INVS: variants seen among roughly 807,000 people sequenced by gnomAD.
INVS encodes inversion of embryo turning homolog.
INVS carries 86 observed loss-of-function variants against 108.8 expected under a neutral mutation model. That is an observed-to-expected ratio of 0.79 (90% CI 0.66 to 0.95). The LOEUF is 0.95. Among genes scored for constraint, INVS ranks in the 40% least tolerant of loss-of-function variants. The pLI, the probability that INVS is intolerant of heterozygous loss-of-function variation, is 0.00. For missense variants in INVS, 1,169 were observed against 1,297.4 expected, an observed-to-expected ratio of 0.90 and a Z score of 1.52; for synonymous variants, 455 against 473.5, an observed-to-expected ratio of 0.96 and a Z score of 0.51.
chr9:100,143,853 C>A (rs117484894), intron 3 of INVS, among the ~76,000 whole-genome samples: 1 of 151,818 alleles, frequency 6.6e-6, no homozygotes, highest in Non-Finnish European at 1.5e-5. Context: ...GCTTCCATAT[C>A]GATTAAGAAG....
intron 3 of INVS, among the ~76,000 whole-genome samples, chr9:100,191,937 G>C (rs1305423652): frequency 6.6e-6 from 1 of 152,032 alleles, no homozygotes; most frequent in Non-Finnish European, 1.5e-5. Context: ...ATGATTTCCG[G>C]TGTGAAGACT....
At chr9:100,238,546 C>T (rs1231485000) in intron 5 of INVS, among the ~76,000 whole-genome samples, 1 of 152,170 alleles carries the variant, frequency 6.6e-6, no homozygotes, top group Non-Finnish European at 1.5e-5. Context: ...ATTCCCTTTA[C>T]TCTTGCCTTT....
chr9:100,282,074 TATC>T (rs2118714330), intron 12 of INVS, among the ~76,000 whole-genome samples: 1 of 152,170 alleles, frequency 6.6e-6, no homozygotes, highest in South Asian at 2.1e-4. Flanking sequence ...AAAGAGCCAA[TATC>T]ATTCTCTTAA....
At chr9:100,242,053 T>C (rs894129339) in intron 6 of INVS, among the ~76,000 whole-genome samples, 5 of 152,138 alleles carry the variant, frequency 3.3e-5, no homozygotes, top group Non-Finnish European at 5.9e-5. Flanking sequence ...TGTTATAAAA[T>C]ATAAATATAA....
At chr9:100,293,869 T>A (rs777770111) in intron 14 of INVS, among the ~76,000 whole-genome samples, 1 of 152,070 alleles carries the variant, frequency 6.6e-6, no homozygotes, top group Non-Finnish European at 1.5e-5. Flanking sequence ...CCATCACCAA[T>A]AGGTGGGAGT....
At chr9:100,136,148 C>G (rs1034694078) in intron 3 of INVS, among the ~76,000 whole-genome samples, 1 of 152,050 alleles carries the variant, frequency 6.6e-6, no homozygotes, top group African/African-American at 2.4e-5. Context: ...TTAGCAAGAG[C>G]AATGGTATTT....
chr9:100,183,302 A>G (rs1034300212), intron 3 of INVS, among the ~76,000 whole-genome samples: 11 of 152,224 alleles, frequency 7.2e-5, no homozygotes. Context: ...GATCCAATAT[A>G]GTAAAGCATG....
In INVS at chr9:100,226,097, C is replaced by G; in HGVS notation, c.309C>G (p.Arg103=). Residue 103 remains arginine, a synonymous_variant, in exon 4 of 17, where the codon CGC becomes CGG. Coordinates refer to ENST00000262457, the MANE Select transcript of INVS (RefSeq NM_014425.5). The stretch of plus-strand genomic sequence containing the variant: ...GTTTCATGAAACTCTTACTTACACG[C>G]AGAGCAAACTGGATGCAAAAGGATC... ...NYRFMKLLLT[R]RANWMQKDLE... is the part of the protein sequence containing the mutation. 1 of 1,613,630 alleles carries G rather than the reference C, an allele frequency of 6.2e-7. No individual in the cohort carries two copies. The highest frequency in any genetic ancestry group is 8.5e-7 in the Non-Finnish European group (1 of 1,179,774).
Position 100,302,031 on chromosome 9 carries a change from A to G in INVS, c.*1357A>G. 1 of 500,504 alleles carries G rather than the reference A, an allele frequency of 2.0e-6. No individual in the cohort carries two copies. The highest frequency in any genetic ancestry group is 3.5e-6 in the Non-Finnish European group (1 of 284,584). The allele number at this position is 500,504 out of a possible 1,614,324, so 31.0% of individuals were successfully genotyped here. A position where few individuals can be genotyped will look rare whatever the true frequency, so the allele number is the denominator to read the frequency against. On this transcript the variant is annotated 3_prime_UTR_variant, in exon 17 of 17. Coordinates refer to ENST00000262457, the MANE Select transcript of INVS (RefSeq NM_014425.5). ...GGAAGCCAGCCTACACATCAATAGG[A>G]ACGCCCAAACATTATTTTCATATAT...
chr9:100,117,577 C>T (rs1039578534), intron 2 of INVS: 11 of 1,024,368 alleles, frequency 1.1e-5, no homozygotes, highest in Non-Finnish European at 1.6e-5. Flanking sequence ...CGCGGTTCCC[C>T]ATCCCAGGGC....
At chr9:100,261,008 T>C (rs1441225888) in intron 10 of INVS, among the ~76,000 whole-genome samples, 1 of 152,254 alleles carries the variant, frequency 6.6e-6, no homozygotes, top group South Asian at 2.1e-4. Flanking sequence ...GGTTAATCTT[T>C]ACTTTCCCCA....
At chr9:100,193,004 G>T (rs1588078362) in intron 3 of INVS, among the ~76,000 whole-genome samples, 3 of 142,770 alleles carry the variant, frequency 2.1e-5, no homozygotes, top group East Asian at 2.0e-4. Flanking sequence ...TCTGATACAG[G>T]ATTTTACTCT....
chr9:100,108,504 T>G (rs1397062710), intron 2 of INVS, among the ~76,000 whole-genome samples: 2 of 152,234 alleles, frequency 1.3e-5, no homozygotes, highest in African/African-American at 4.8e-5. Context: ...TTTTTTTCTA[T>G]GCATATGAAT....
intron 1 of INVS, among the ~76,000 whole-genome samples, chr9:100,100,361 T>G (rs527467527): frequency 4.6e-4 from 69 of 151,222 alleles, no homozygotes; most frequent in Non-Finnish European, 8.4e-4. Context: ...TCCACGCCCC[T>G]GACAGAGCCC....
chr9:100,183,707 CT>C (rs1829963723), intron 3 of INVS, among the ~76,000 whole-genome samples: 1 of 144,936 alleles, frequency 6.9e-6, no homozygotes, highest in Admixed American at 7.2e-5. Flanking sequence ...ATGAGAATTG[CT>C]TGAGTCCAGG....
chr9:100,296,502 A>ATGCC (rs1180071723), intron 14 of INVS, among the ~76,000 whole-genome samples: 1 of 152,308 alleles, frequency 6.6e-6, no homozygotes, highest in African/African-American at 2.4e-5. Context: ...GCTACGTAGA[A>ATGCC]TGCCCTTCTC....
At chr9:100,241,434 A>T (rs1831868210) in intron 6 of INVS, among the ~76,000 whole-genome samples, 1 of 149,440 alleles carries the variant, frequency 6.7e-6, no homozygotes, top group African/African-American at 2.5e-5. Flanking sequence ...TTTTCATTTC[A>T]CTCTGTTTTC....
intron 3 of INVS, among the ~76,000 whole-genome samples, chr9:100,189,079 A>G (rs1251130197): frequency 9.3e-6 from 1 of 107,556 alleles, no homozygotes; most frequent in South Asian, 2.8e-4. Context: ...CTCCACGTTC[A>G]TTTCTAATGG....
At chr9:100,182,756 T>G (rs1829931729) in intron 3 of INVS, among the ~76,000 whole-genome samples, 1 of 152,136 alleles carries the variant, frequency 6.6e-6, no homozygotes, top group Admixed American at 6.5e-5. Flanking sequence ...AAATACTATT[T>G]AACCCAGTAA....
Sources: gnomAD v4.1 joint callset for allele counts (sites outside exome capture counted in the v4.1 genomes callset) on GRCh38, gnomAD v4.1.1 for gene constraint, MANE v1.5 for transcripts, NCBI Gene and HGNC (gene_info 2026-07-23, HGNC 2026-07-21) for gene names.